Variants in REDIC1 observed in about 807,000 individuals in gnomAD.
REDIC1 encodes HEI10 Interacting Protein 1.
At chr12:39,743,880 G>A in the REDIC1 span, among the ~76,000 whole-genome samples, 1 of 152,154 alleles carries the variant, frequency 6.6e-6, no homozygotes, top group Admixed American at 6.5e-5. Context: ...CATAATGGGA[G>A]CACCAGAAGA....
the REDIC1 span, among the ~76,000 whole-genome samples, chr12:39,722,252 T>A: frequency 6.6e-5 from 10 of 152,164 alleles, no homozygotes; most frequent in South Asian, 2.1e-4. Flanking sequence ...AAAGTTTAAA[T>A]AGTAGCAATC....
the REDIC1 span, among the ~76,000 whole-genome samples, chr12:39,749,966 GAATGGGCAAA>G: frequency 2.0e-5 from 3 of 152,172 alleles, no homozygotes; most frequent in African/African-American, 7.2e-5. Flanking sequence ...ATATCATACT[GAATGGGCAAA>G]AACTGGAAGC....
chr12:39,650,201 T>G, the REDIC1 span: 1 of 1,514,664 alleles, frequency 6.6e-7, no homozygotes, highest in Admixed American at 2.2e-5. This position sits in a 1 kb window ranked among gnomAD's most constrained non-coding sequence, Gnocchi z 4.3. Flanking sequence ...ATATGTACAT[T>G]TACTATTTTG....
chr12:39,834,600 G>A, the REDIC1 span, among the ~76,000 whole-genome samples: 4 of 151,920 alleles, frequency 2.6e-5, no homozygotes, highest in South Asian at 6.2e-4. Context: ...ATACCATTTC[G>A]TTCAGGGAAA....
chr12:39,725,349 G>A, the REDIC1 span, among the ~76,000 whole-genome samples: 636 of 152,214 alleles, frequency 4.2e-3, 4 homozygotes, highest in Middle Eastern at 6.8e-3. Flanking sequence ...CATATTTAGG[G>A]TCTTTATATT....
the REDIC1 span, among the ~76,000 whole-genome samples, chr12:39,707,685 AATG>A: frequency 2.0e-5 from 3 of 151,930 alleles, no homozygotes; most frequent in African/African-American, 7.2e-5. Flanking sequence ...ATAATCTAAT[AATG>A]ATAATTATCA....
chr12:39,749,028 A>G, the REDIC1 span, among the ~76,000 whole-genome samples: 21 of 152,172 alleles, frequency 1.4e-4, no homozygotes, highest in Non-Finnish European at 2.1e-4. Context: ...GCAAGAGCAA[A>G]CACATTCAAA....
chr12:39,819,686 A>G, the REDIC1 span: 1 of 152,256 alleles, frequency 6.6e-6, no homozygotes, highest in Non-Finnish European at 1.5e-5. Context: ...AAATGTTACA[A>G]TCTACCTCTT....
the REDIC1 span, among the ~76,000 whole-genome samples, chr12:39,751,992 G>A: frequency 2.6e-5 from 4 of 152,274 alleles, no homozygotes; most frequent in Non-Finnish European, 4.4e-5. Flanking sequence ...CATGGCACAT[G>A]TATACATATG....
At chr12:39,711,419 AC>A in the REDIC1 span, among the ~76,000 whole-genome samples, 3 of 133,910 alleles carry the variant, frequency 2.2e-5, no homozygotes, top group East Asian at 6.5e-4. Flanking sequence ...GTATATATGT[AC>A]TTATGTGTAT....
At chr12:39,796,016 C>G in the REDIC1 span, among the ~76,000 whole-genome samples, 1 of 152,136 alleles carries the variant, frequency 6.6e-6, no homozygotes, top group African/African-American at 2.4e-5. Flanking sequence ...AGAAACCCCA[C>G]AGCCATTAGC....
the REDIC1 span, among the ~76,000 whole-genome samples, chr12:39,668,562 G>A: frequency 1.3e-5 from 2 of 152,116 alleles, no homozygotes; most frequent in Admixed American, 6.5e-5. Context: ...TGCTCTTCTC[G>A]AGGAGTATCT....
At chr12:39,861,911 C>T in the REDIC1 span, among the ~76,000 whole-genome samples, 2 of 152,020 alleles carry the variant, frequency 1.3e-5, no homozygotes, top group Non-Finnish European at 2.9e-5. Context: ...ATGTGCAGGA[C>T]GTGCAGGTCT....
chr12:39,705,920 T>C, the REDIC1 span, among the ~76,000 whole-genome samples: 1 of 152,090 alleles, frequency 6.6e-6, no homozygotes, highest in Non-Finnish European at 1.5e-5. Context: ...ATGCCCACTT[T>C]CATTTTTATT....
At chr12:39,719,449 A>G in the REDIC1 span, among the ~76,000 whole-genome samples, 1 of 151,960 alleles carries the variant, frequency 6.6e-6, no homozygotes, top group Non-Finnish European at 1.5e-5. Flanking sequence ...AACATGGCAA[A>G]AACAAATACA....
the REDIC1 span, among the ~76,000 whole-genome samples, chr12:39,835,503 G>T: frequency 6.6e-6 from 1 of 152,058 alleles, no homozygotes; most frequent in Non-Finnish European, 1.5e-5. Flanking sequence ...TTTATAAAAG[G>T]AATTGCGGAA....
chr12:39,836,030 A>G, the REDIC1 span, among the ~76,000 whole-genome samples: 1 of 152,166 alleles, frequency 6.6e-6, no homozygotes, highest in African/African-American at 2.4e-5. Context: ...GAAAGCAACA[A>G]CAGCAGCAAG....
chr12:39,773,160 C>T, the REDIC1 span, among the ~76,000 whole-genome samples: 2 of 152,172 alleles, frequency 1.3e-5, no homozygotes, highest in Non-Finnish European at 2.9e-5. Context: ...AAAAGTCATG[C>T]TCTTGGATGT....
the REDIC1 span, among the ~76,000 whole-genome samples, chr12:39,782,339 G>A: frequency 9.0e-4 from 137 of 152,188 alleles, no homozygotes; most frequent in South Asian, 0.027. Context: ...ATTGAATCAT[G>A]GGGGCGGCCG....
Sources: allele counts gnomAD v4.1 joint callset (sites outside exome capture counted in the v4.1 genomes callset), GRCh38; gene constraint gnomAD v4.1.1; non-coding constraint Gnocchi (gnomAD v3.1); transcripts MANE v1.5; gene names NCBI Gene and HGNC (gene_info 2026-07-23, HGNC 2026-07-21).